MEIS1: variants seen among roughly 807,000 people sequenced by gnomAD.
MEIS1 encodes the protein homeobox protein Meis1.
Under a neutral mutation model 50.8 loss-of-function variants are expected in MEIS1, and 5 were observed. The observed-to-expected ratio is 0.10, with a 90% CI of 0.05 to 0.21. MEIS1 has a LOEUF of 0.21. MEIS1 is among the 10% of genes least tolerant of loss of function. The pLI, the probability that MEIS1 is intolerant of heterozygous loss-of-function variation, is 1.00. For synonymous variants in MEIS1, 176 were observed against 179.3 expected, an observed-to-expected ratio of 0.98 and a Z score of 0.15; for missense variants, 318 against 517.3, an observed-to-expected ratio of 0.61 and a Z score of 3.74.
chr2:66,508,573 C>CTA (rs1673743210), intron 7 of MEIS1, among the ~76,000 whole-genome samples: 1 of 152,248 alleles, frequency 6.6e-6, no homozygotes, highest in Admixed American at 6.5e-5. Context: ...CAGCCCCGGC[C>CTA]GCTGCCTCTG....
chr2:66,561,620 C>T (rs975479478), intron 9 of MEIS1, among the ~76,000 whole-genome samples: 1 of 152,224 alleles, frequency 6.6e-6, no homozygotes, highest in African/African-American at 2.4e-5. Context: ...TTATAATCAG[C>T]ACTTCCCTTA....
At chr2:66,561,479 A>G (rs1675211463) in intron 9 of MEIS1, among the ~76,000 whole-genome samples, 2 of 152,200 alleles carry the variant, frequency 1.3e-5, no homozygotes, top group South Asian at 2.1e-4. Context: ...TCATCTGTGC[A>G]TGTTTATTTT....
chr2:66,505,486 T>A (rs1673665261), intron 7 of MEIS1, among the ~76,000 whole-genome samples: 1 of 152,150 alleles, frequency 6.6e-6, no homozygotes, highest in Admixed American at 6.5e-5. Flanking sequence ...TGAAAAAAAA[T>A]CAAGGAAAGC....
chr2:66,481,909 C>T (rs1464707137), intron 7 of MEIS1, among the ~76,000 whole-genome samples: 1 of 131,360 alleles, frequency 7.6e-6, no homozygotes, highest in Non-Finnish European at 1.5e-5. Context: ...GGCCGGAGTG[C>T]GGTGGCGTGA....
At chr2:66,466,972 A>T (rs1044118886) in intron 7 of MEIS1, among the ~76,000 whole-genome samples, 1 of 151,930 alleles carries the variant, frequency 6.6e-6, no homozygotes, top group Non-Finnish European at 1.5e-5. Flanking sequence ...AAAGAAAGAA[A>T]GGAAAGAAAA....
At chr2:66,556,066 A>C (rs999807248) in intron 9 of MEIS1, among the ~76,000 whole-genome samples, 1 of 152,192 alleles carries the variant, frequency 6.6e-6, no homozygotes, top group African/African-American at 2.4e-5. Context: ...AAAACAAAAA[A>C]AAACCTACAA....
chr2:66,504,823 A>G (rs748050183), intron 7 of MEIS1, among the ~76,000 whole-genome samples: 2 of 152,124 alleles, frequency 1.3e-5, no homozygotes, highest in Non-Finnish European at 2.9e-5. Flanking sequence ...CTAACTCTTT[A>G]TTTTGGTTTC....
At chr2:66,477,944 C>T (rs1316326185) in intron 7 of MEIS1, among the ~76,000 whole-genome samples, 3 of 152,168 alleles carry the variant, frequency 2.0e-5, no homozygotes, top group Admixed American at 2.0e-4. Context: ...GTTACGTTGA[C>T]TTTTTGCCAG....
At chr2:66,557,960 GT>G (rs2103953495) in intron 9 of MEIS1, among the ~76,000 whole-genome samples, 1 of 152,280 alleles carries the variant, frequency 6.6e-6, no homozygotes, top group African/African-American at 2.4e-5. Flanking sequence ...TGTTTTGACT[GT>G]GATAATTACG....
At chr2:66,567,220 A>G (rs1258688665) in intron 9 of MEIS1, among the ~76,000 whole-genome samples, 2 of 152,178 alleles carry the variant, frequency 1.3e-5, no homozygotes, top group African/African-American at 2.4e-5. Flanking sequence ...CAACTGTGGT[A>G]AAACAGGCAA....
chr2:66,439,113 G>T (rs1573115420), intron 2 of MEIS1: 3 of 152,226 alleles, frequency 2.0e-5, no homozygotes, highest in Non-Finnish European at 4.1e-5. Context: ...TATGGGCTGA[G>T]ACAAGCGACA....
intron 8 of MEIS1, among the ~76,000 whole-genome samples, chr2:66,544,054 GC>G (rs981933565): frequency 2.6e-5 from 4 of 152,248 alleles, no homozygotes; most frequent in Non-Finnish European, 5.9e-5. Flanking sequence ...AGTGACATAG[GC>G]CTTTAGTTGC....
chr2:66,559,568 A>T (rs551911956), intron 9 of MEIS1, among the ~76,000 whole-genome samples: 1 of 152,338 alleles, frequency 6.6e-6, no homozygotes, highest in African/African-American at 2.4e-5. Context: ...TTCATCTATT[A>T]AACTAAAGAG....
At chr2:66,436,740 C>A (rs1445207521) in intron 1 of MEIS1, among the ~76,000 whole-genome samples, 1 of 152,178 alleles carries the variant, frequency 6.6e-6, no homozygotes, top group Non-Finnish European at 1.5e-5. Flanking sequence ...GCAATTCCTC[C>A]TTTCTTTGAA....
chr2:66,484,892 C>T (rs1673102421), intron 7 of MEIS1, among the ~76,000 whole-genome samples: 1 of 152,114 alleles, frequency 6.6e-6, no homozygotes, highest in Non-Finnish European at 1.5e-5. Flanking sequence ...GTGGTGATGA[C>T]TCTGTTCTGT....
At chr2:66,532,598 C>A (rs866020930) in intron 8 of MEIS1, among the ~76,000 whole-genome samples, 20 of 151,994 alleles carry the variant, frequency 1.3e-4, no homozygotes, top group African/African-American at 4.4e-4. Flanking sequence ...GTTTTTAAAT[C>A]CCAGTTGCCT....
chr2:66,446,194 C>G (rs1307694648), intron 6 of MEIS1, among the ~76,000 whole-genome samples: 1 of 152,098 alleles, frequency 6.6e-6, no homozygotes, highest in African/African-American at 2.4e-5. Context: ...CGGGTTCGAC[C>G]GGAAGCGGGG....
intron 8 of MEIS1, among the ~76,000 whole-genome samples, chr2:66,524,147 G>A (rs967289359): frequency 2.6e-5 from 4 of 152,198 alleles, no homozygotes; most frequent in Admixed American, 2.6e-4. Flanking sequence ...CTGGCTTGAA[G>A]TGTCCTGTTT....
In MEIS1 at chr2:66,573,144, C is replaced by T. The variant is rs763676711; in HGVS notation, c.*1936C>T. 5.3e-5 allele frequency: 8 copies of T among 152,146 alleles called. No homozygotes were observed. The highest frequency in any genetic ancestry group is 8.8e-5 in the Non-Finnish European group (6 of 68,034). The allele number at this position is 152,146 out of a possible 1,614,324, so 9.4% of individuals were successfully genotyped here. A position where few individuals can be genotyped will look rare whatever the true frequency, so the allele number is the denominator to read the frequency against. On this transcript the variant is annotated 3_prime_UTR_variant, in exon 13 of 13. Coordinates refer to ENST00000272369, the MANE Select transcript of MEIS1 (RefSeq NM_002398.3). ...AAATTAACTACATGAATTGAAGAGACCAGACTTCAAAATCTAATTTTTATA... is the reference window on the plus strand; with the variant it reads ...AAATTAACTACATGAATTGAAGAGATCAGACTTCAAAATCTAATTTTTATA...
Sources: gnomAD v4.1 joint callset for allele counts (sites outside exome capture counted in the v4.1 genomes callset) on GRCh38, gnomAD v4.1.1 for gene constraint, MANE v1.5 for transcripts, NCBI Gene and HGNC (gene_info 2026-07-23, HGNC 2026-07-21) for gene names.